The following GRIA4 variants were observed in gnomAD, a reference collection of about 807,000 sequenced individuals.
The protein encoded by GRIA4 is glutamate ionotropic receptor AMPA type subunit 4, also known as glutamate receptor 4.
In GRIA4, 34 loss-of-function variants were observed where a neutral mutation model predicts 104.0. The ratio of observed to expected loss-of-function variants is 0.33; its 90% CI spans 0.25 to 0.44. GRIA4 has a LOEUF of 0.44. Among genes scored for constraint, GRIA4 ranks in the 20% least tolerant of loss-of-function variants. GRIA4 has a pLI of 1.00. For synonymous variants in GRIA4, 386 were observed against 381.9 expected, an observed-to-expected ratio of 1.01 and a Z score of -0.13; for missense variants, 750 against 1,096.5, an observed-to-expected ratio of 0.68 and a Z score of 4.46.
At chr11:105,957,425 A>C (rs1021576239) in intron 14 of GRIA4, among the ~76,000 whole-genome samples, 3 of 152,118 alleles carry the variant, frequency 2.0e-5, no homozygotes, top group African/African-American at 7.2e-5. Context: ...AGTTGTAGAT[A>C]TGCGGCATTA....
At chr11:105,651,349 A>G (rs904277042) in intron 3 of GRIA4, among the ~76,000 whole-genome samples, 5 of 124,478 alleles carry the variant, frequency 4.0e-5, no homozygotes, top group African/African-American at 1.5e-4. Flanking sequence ...TGAATCTGTG[A>G]TTCCCAAACC....
rs57255115 is a variant in GRIA4, at chr11:105,784,801, A to G, written c.487+31581A>G. On this transcript the variant is annotated intron_variant, in intron 4 of 16. Coordinates refer to ENST00000282499, the MANE Select transcript of GRIA4 (RefSeq NM_000829.4). ...TGTGTTGTAAGAAAGGGACCTGTTAAAGCAAAACATAACCCTTTTGCAAAG... is the reference window on the plus strand; with the variant it reads ...TGTGTTGTAAGAAAGGGACCTGTTAGAGCAAAACATAACCCTTTTGCAAAG... 5.1e-3 allele frequency among the ~76,000 whole-genome samples: 772 copies of G among 152,326 alleles called. 10 individuals carry two copies. Among genetic ancestry groups the G allele is most frequent in the African/African-American group, 0.018 (738 of 41,576 alleles).
intron 4 of GRIA4, 72 bp downstream of exon 4, chr11:105,753,292 GT>G: frequency 7.3e-7 from 1 of 1,377,930 alleles, no homozygotes; most frequent in Non-Finnish European, 1.0e-6. Context: ...TATGACTTCG[GT>G]TTTTAGCAAA....
chr11:105,690,874 G>A (rs11226825), intron 3 of GRIA4, among the ~76,000 whole-genome samples: 70,924 of 151,938 alleles, frequency 0.47, 17,544 homozygotes, highest in Admixed American at 0.58. Flanking sequence ...TCAACTTCAA[G>A]AATAAATATT....
At chr11:105,780,829 G>A (rs544778308) in intron 4 of GRIA4, among the ~76,000 whole-genome samples, 11 of 152,182 alleles carry the variant, frequency 7.2e-5, no homozygotes, top group African/African-American at 2.4e-4. Context: ...CTCCAAACAC[G>A]AACACTTCTT....
chr11:105,644,299 T>G (rs1951458767), intron 3 of GRIA4, among the ~76,000 whole-genome samples: 1 of 152,062 alleles, frequency 6.6e-6, no homozygotes, highest in African/African-American at 2.4e-5. Context: ...GTCTAACACT[T>G]TATCTTTTTA....
intron 4 of GRIA4, among the ~76,000 whole-genome samples, chr11:105,785,867 T>G (rs943402045): frequency 3.9e-5 from 6 of 151,984 alleles, no homozygotes; most frequent in Non-Finnish European, 7.4e-5. Flanking sequence ...GCTATTAGGC[T>G]GGGGGTGGTG....
chr11:105,915,727 C>A (rs1398722622), intron 10 of GRIA4, among the ~76,000 whole-genome samples: 5 of 152,100 alleles, frequency 3.3e-5, no homozygotes, highest in African/African-American at 1.2e-4. Flanking sequence ...TTTCTTTAAT[C>A]TTGTTCCCTA....
At chr11:105,941,878 C>G (rs936908029) in intron 14 of GRIA4, among the ~76,000 whole-genome samples, 1 of 151,976 alleles carries the variant, frequency 6.6e-6, no homozygotes, top group Non-Finnish European at 1.5e-5. Context: ...AGATAAGCGG[C>G]CTCTGAATAT....
intron 3 of GRIA4, among the ~76,000 whole-genome samples, chr11:105,724,346 T>G (rs929604979): frequency 6.6e-6 from 1 of 151,058 alleles, no homozygotes; most frequent in African/African-American, 2.4e-5. Flanking sequence ...CATAGATAGA[T>G]AGATAGATGG....
At chr11:105,732,439 C>T (rs1388384974) in intron 3 of GRIA4, among the ~76,000 whole-genome samples, 2 of 152,110 alleles carry the variant, frequency 1.3e-5, no homozygotes, top group African/African-American at 2.4e-5. Flanking sequence ...AGATAGTTCT[C>T]ATGGGATGAA....
At chr11:105,794,555 CATATCTATCT>C (rs1270202705) in intron 4 of GRIA4, among the ~76,000 whole-genome samples, 4 of 83,620 alleles carry the variant, frequency 4.8e-5, no homozygotes, top group East Asian at 3.4e-4. Context: ...GAGATATATA[CATATCTATCT>C]ATATCTATCT....
At chr11:105,946,795 G>A (rs1317036476) in intron 14 of GRIA4, among the ~76,000 whole-genome samples, 1 of 152,012 alleles carries the variant, frequency 6.6e-6, no homozygotes, top group Non-Finnish European at 1.5e-5. Flanking sequence ...AGGTAACAGG[G>A]ACACTTGGGA....
chr11:105,662,400 T>C (rs1952040171), intron 3 of GRIA4, among the ~76,000 whole-genome samples: 1 of 151,814 alleles, frequency 6.6e-6, no homozygotes, highest in South Asian at 2.1e-4. Flanking sequence ...AAAGGAGAAC[T>C]GCATTCCATG....
intron 3 of GRIA4, among the ~76,000 whole-genome samples, chr11:105,704,745 CA>C (rs1953631636): frequency 1.3e-5 from 2 of 152,038 alleles, no homozygotes; most frequent in Admixed American, 1.3e-4. Flanking sequence ...AATTTTAAAA[CA>C]TCCCCAAAAG....
At chr11:105,773,605 T>C (rs1483310389) in intron 4 of GRIA4, among the ~76,000 whole-genome samples, 3 of 151,772 alleles carry the variant, frequency 2.0e-5, no homozygotes, top group Non-Finnish European at 2.9e-5. Context: ...ATCTACAGAG[T>C]ATAACATGTA....
chr11:105,611,195 TC>T (rs1950470096), intron 2 of GRIA4, 110 bp downstream of exon 2: 2 of 763,594 alleles, frequency 2.6e-6, no homozygotes, highest in Admixed American at 3.9e-5. Context: ...GCAGTTCCCT[TC>T]CCCTCTGTTT....
intron 11 of GRIA4, among the ~76,000 whole-genome samples, chr11:105,923,489 C>G (rs908884587): frequency 6.6e-6 from 1 of 152,062 alleles, no homozygotes; most frequent in Non-Finnish European, 1.5e-5. Flanking sequence ...AAAAGAGAAG[C>G]TATTCAAAAT....
chr11:105,777,419 A>G (rs372592505), intron 4 of GRIA4, among the ~76,000 whole-genome samples: 12 of 152,160 alleles, frequency 7.9e-5, no homozygotes, highest in African/African-American at 2.9e-4. Context: ...ATTCGAATAT[A>G]TCACTCCCAA....
Sources: allele counts gnomAD v4.1 joint callset (sites outside exome capture counted in the v4.1 genomes callset), GRCh38; gene constraint gnomAD v4.1.1; transcripts MANE v1.5; gene names NCBI Gene and HGNC (gene_info 2026-07-23, HGNC 2026-07-21).